NUCB1: variants seen among roughly 807,000 people sequenced by gnomAD.
NUCB1 encodes the protein nucleobindin-1.
A neutral mutation model predicts 61.2 loss-of-function variants in NUCB1; 47 were observed. The ratio of observed to expected loss-of-function variants is 0.77; its 90% confidence interval spans 0.61 to 0.98. The LOEUF is 0.98. NUCB1 is among the 50% of genes least tolerant of loss of function. The probability of loss-of-function intolerance (pLI) is 0.00; values close to 1 mark genes in which losing one functional copy is unlikely to be tolerated. For synonymous variants in NUCB1, 234 were observed against 243.1 expected, an observed-to-expected ratio of 0.96 and a Z score of 0.35; for missense variants, 583 against 605.3, an observed-to-expected ratio of 0.96 and a Z score of 0.39.
In NUCB1 at chr19:48,916,355, C is replaced by T. The variant is rs191992693; in HGVS notation, c.758-2371C>T. Among the ~76,000 whole-genome samples the T allele has an allele frequency of 1.1e-4, 17 of 152,278 alleles. No individual in the cohort carries two copies. In the East Asian group the frequency reaches 1.9e-3, roughly 17 times the overall value. ...CATTTGGGCTGGATGCGGTGGCTCACGCCTGTAATCCCAGCACTTTGGGAG... is the reference window on the plus strand; with the variant it reads ...CATTTGGGCTGGATGCGGTGGCTCATGCCTGTAATCCCAGCACTTTGGGAG... On this transcript the variant is annotated intron_variant, in intron 7 of 12. Transcript: ENST00000405315.
chr19:48,902,142 C>T (rs954617714), intron 2 of NUCB1, among the ~76,000 whole-genome samples: 11 of 152,208 alleles, frequency 7.2e-5, no homozygotes, highest in East Asian at 1.9e-4. Flanking sequence ...CTTTCTTTCT[C>T]GCTCTGTCAC....
At chr19:48,912,990 T>G (rs771458894) in intron 5 of NUCB1, 21 bp from the exon 6 acceptor site, 2 of 1,576,394 alleles carry the variant, frequency 1.3e-6, no homozygotes, top group African/African-American at 1.4e-5. Context: ...CAGAGGGGAA[T>G]GACCCTGTGC....
chr19:48,921,443 TC>T (rs1394921258), intron 11 of NUCB1, 119 bp downstream of exon 11: 30 of 1,153,694 alleles, frequency 2.6e-5, no homozygotes, highest in Non-Finnish European at 1.3e-5. Flanking sequence ...TGGGGGAGCC[TC>T]AAGTATTCAC....
Position 48,913,309 on chromosome 19 carries a change from C to G in NUCB1, c.666+113C>G, listed in dbSNP as rs978786080. 9 of 1,246,242 alleles carry G rather than the reference C, an allele frequency of 7.2e-6. No homozygotes were observed. In the African/African-American group the frequency reaches 1.4e-4, roughly 19 times the overall value. 77.2% of individuals were successfully genotyped at this position (1,246,242 alleles called of 1,614,324 possible). A position where few individuals can be genotyped will look rare whatever the true frequency, so the allele number is the denominator to read the frequency against. On this transcript the variant is annotated intron_variant, in intron 6 of 12. Transcript: ENST00000405315. The stretch of plus-strand genomic sequence containing the variant: ...GGGGCCCTTGAGGCAAAAAAACTCC[C>G]TGTTACTGTACCTGGCTGCCCCAGG...
chr19:48,902,131 T>C (rs1225662860), intron 2 of NUCB1, among the ~76,000 whole-genome samples: 2 of 152,098 alleles, frequency 1.3e-5, no homozygotes, highest in Admixed American at 6.6e-5. Context: ...TTGAGTTCTT[T>C]CTTTCTTTCT....
At chr19:48,918,444 A>C (rs1296891237) in intron 7 of NUCB1, 1 of 405,858 alleles carries the variant, frequency 2.5e-6, no homozygotes, top group Non-Finnish European at 4.6e-6. Flanking sequence ...CAGAGCACTG[A>C]ATGCCAGGGC....
rs2037623159 is a variant in NUCB1 at position 48,922,495 on chromosome 19, C to T, written c.*71C>T. On this transcript the variant is annotated 3_prime_UTR_variant, in exon 13 of 13. Coordinates refer to ENST00000405315, the MANE Select transcript of NUCB1 (RefSeq NM_006184.6). ...CTGATGGGCGCTGGATGAAGTGGCA[C>T]AGTCAGCTTCCCTGGGGGCTGGTGT... is the stretch of plus-strand genomic sequence containing the variant. The T allele has an allele frequency of 1.6e-5, 21 of 1,309,016 alleles. No individual in the cohort carries two copies. Among genetic ancestry groups the T allele is most frequent in the Non-Finnish European group, 2.1e-5 (19 of 910,180 alleles). 81.1% of individuals were successfully genotyped at this position (1,309,016 alleles called of 1,614,324 possible). A position where few individuals can be genotyped will look rare whatever the true frequency, so the allele number is the denominator to read the frequency against.
intron 7 of NUCB1, 38 bp downstream of exon 7, chr19:48,913,602 C>G (rs2037504781): frequency 1.3e-6 from 2 of 1,542,196 alleles, no homozygotes; most frequent in African/African-American, 1.4e-5. Flanking sequence ...AGGATGAACC[C>G]TAGATTCTGA....
intron 12 of NUCB1, 114 bp downstream of exon 12, chr19:48,922,046 C>T (rs2037615889): frequency 1.2e-6 from 1 of 852,958 alleles, no homozygotes; most frequent in African/African-American, 1.7e-5. Flanking sequence ...GGGGCCCAGA[C>T]TCCCAGATCT....
intron 2 of NUCB1, among the ~76,000 whole-genome samples, chr19:48,903,195 G>A (rs1263078944): frequency 6.6e-6 from 1 of 151,982 alleles, no homozygotes. Context: ...AGGATATATT[G>A]CCTATTTTAT....
At chr19:48,904,277 G>A (rs2037388129) in intron 2 of NUCB1, 70 bp from the exon 3 acceptor site, 1 of 1,001,616 alleles carries the variant, frequency 1.0e-6, no homozygotes, top group Non-Finnish European at 1.6e-6. Flanking sequence ...GCAGGCCATA[G>A]CAGTAACAGG....
At chr19:48,907,110 G>T (rs1460759064) in intron 4 of NUCB1, among the ~76,000 whole-genome samples, 1 of 151,574 alleles carries the variant, frequency 6.6e-6, no homozygotes, top group Admixed American at 6.6e-5. Context: ...AAGTAGCTGG[G>T]ACTACAGGCG....
chr19:48,905,750 C>T lies in NUCB1; in HGVS notation c.244-3C>T. 1 of 1,614,052 alleles carries T rather than the reference C, an allele frequency of 6.2e-7. No homozygotes were observed. The highest frequency in any genetic ancestry group is 1.3e-5 in the African/African-American group (1 of 75,076). ...GGCTGACCAGGGTCTCCTCTCCTGT[C>T]AGAGCGGGAAGCTGAGCCGAGAGCT... On this transcript the variant is annotated splice_region_variant and splice_polypyrimidine_tract_variant and intron_variant, in intron 3 of 12. Coordinates refer to ENST00000405315, the MANE Select transcript of NUCB1 (RefSeq NM_006184.6).
In NUCB1 at chr19:48,905,823, G is replaced by A. The variant is rs2037404361; in HGVS notation, c.314G>A (p.Arg105Gln). The A allele has an allele frequency of 5.0e-6, 8 of 1,605,154 alleles. No homozygotes were observed. The highest frequency in any genetic ancestry group is 3.3e-5 in the South Asian group (3 of 90,964). The part of the protein sequence containing the change: ...HVRTKLDELK[R>Q]QEVSRLRMLL... ...CGCACCAAGCTGGATGAGCTCAAGCGACAGGAGGTGTCACGGCTGCGGATG... is the reference window on the plus strand; with the variant it reads ...CGCACCAAGCTGGATGAGCTCAAGCAACAGGAGGTGTCACGGCTGCGGATG... Residue 105 changes from arginine to glutamine, a missense_variant, in exon 4 of 13, where the codon CGA (arginine) becomes CAA (glutamine). Physicochemically the swap from Arg to Gln is conservative, Grantham distance 43. Coordinates refer to ENST00000405315, the MANE Select transcript of NUCB1 (RefSeq NM_006184.6).
chr19:48,911,459 G>A (rs2037472890), intron 5 of NUCB1, among the ~76,000 whole-genome samples: 1 of 148,258 alleles, frequency 6.7e-6, no homozygotes, highest in Non-Finnish European at 1.5e-5. Flanking sequence ...AGGCTGGAGT[G>A]CAATGGCACA....
At chr19:48,911,969 G>A (rs952060379) in intron 5 of NUCB1, among the ~76,000 whole-genome samples, 1 of 151,516 alleles carries the variant, frequency 6.6e-6, no homozygotes, top group Non-Finnish European at 1.5e-5. Flanking sequence ...AGATTTGAAC[G>A]CTGGGCAAAA....
intron 5 of NUCB1, among the ~76,000 whole-genome samples, chr19:48,912,696 C>T (rs142014774): frequency 2.8e-4 from 42 of 150,560 alleles, no homozygotes; most frequent in Non-Finnish European, 5.5e-4. Context: ...ATCAGCTGGG[C>T]CTGGTGACAC....
chr19:48,922,112 G>A (rs2037616856), intron 12 of NUCB1, among the ~76,000 whole-genome samples, 180 bp downstream of exon 12: 1 of 150,240 alleles, frequency 6.7e-6, no homozygotes, highest in Non-Finnish European at 1.5e-5. Flanking sequence ...AGGGGCTGGG[G>A]GCTGGGACCC....
Position 48,921,157 on chromosome 19 carries a change from G to C in NUCB1, c.1006G>C (p.Val336Leu). The C allele has an allele frequency of 6.2e-7, 1 of 1,606,612 alleles. No homozygotes were observed. The highest frequency in any genetic ancestry group is 8.5e-7 in the Non-Finnish European group (1 of 1,175,258). Residue 336 changes from valine (V) to leucine (L), a missense_variant, in exon 11 of 13, where the codon GTG becomes CTG. By Grantham distance (32) the Val-to-Leu change is conservative. Coordinates refer to ENST00000405315, the MANE Select transcript of NUCB1 (RefSeq NM_006184.6). The stretch of plus-strand genomic sequence containing the variant: ...GGCCCCTGTGCCTGCCCTGCAGACA[G>C]TGGAGATGCACCCTGCCTACACCGA... ...FGDTGEGWETVEMHPAYTEEE... is the reference protein window; with the variant it reads ...FGDTGEGWETLEMHPAYTEEE...
Sources: allele counts gnomAD v4.1 joint callset (sites outside exome capture counted in the v4.1 genomes callset), GRCh38; gene constraint gnomAD v4.1.1; transcripts MANE v1.5; gene names NCBI Gene and HGNC (gene_info 2026-07-23, HGNC 2026-07-21).